Variants in ZNF34 observed in about 807,000 individuals in gnomAD.
ZNF34 encodes the protein zinc finger protein 34 (KOX 32).
A neutral mutation model predicts 14.4 loss-of-function variants in ZNF34; 8 were observed. The observed-to-expected ratio is 0.55, with a 90% CI of 0.33 to 1.00. The LOEUF (loss-of-function observed/expected upper bound fraction) is 1.00. Ranked by LOEUF, ZNF34 falls within the 50% of genes least tolerant of loss-of-function variation. The pLI is 0.03. For synonymous variants in ZNF34, 235 were observed against 247.9 expected (o/e 0.95, Z 0.49); for missense variants, 538 against 674.2 (o/e 0.80, Z 2.24).
At position 144,773,314 on chromosome 8, in the gene ZNF34, G is replaced by A. The variant is rs1418197949; in HGVS notation, c.1572C>T (p.Asn524=). 1 of 1,613,920 alleles carries A rather than the reference G, an allele frequency of 6.2e-7. No homozygotes were observed. The highest frequency in any genetic ancestry group is 1.3e-5 in the African/African-American group (1 of 74,948). ...ECGKAFRHSS[N]MCQHQRIHLR... ...GGTGAATCCGCTGATGCTGACACAT[G>A]TTGGAACTGTGCCGGAAGGCCTTCC... Residue 524 remains asparagine (N), a synonymous_variant, in exon 6 of 6, where the codon AAC becomes AAT. Transcript: ENST00000429371. The surrounding 1 kb of genome is among the most constrained non-coding windows in gnomAD (Gnocchi z 5.4).
intron 1 of ZNF34, among the ~76,000 whole-genome samples, chr8:144,785,982 T>G (rs1826207011): frequency 2.2e-5 from 1 of 45,064 alleles, no homozygotes; most frequent in Admixed American, 1.9e-4. Context: ...ATAGGTAGTT[T>G]TTTTTTTTTT....
At position 144,779,873 on chromosome 8, in the gene ZNF34, G is replaced by A. The variant is rs143232429; in HGVS notation, c.-55+355C>T. On this transcript the variant is annotated intron_variant, in intron 2 of 5. Coordinates refer to ENST00000429371, the MANE Select transcript of ZNF34 (RefSeq NM_001286769.2). The surrounding 1 kb of genome is among the most constrained non-coding windows in gnomAD (Gnocchi z 4.1). ...GGAAGAATGAAGACAAAATGTTAAG[G>A]GCTAAGGAAGAAAAAATTAAAAATG... Among the ~76,000 whole-genome samples the A allele has an allele frequency of 6.6e-6, 1 of 152,020 alleles. No individual in the cohort carries two copies. Among genetic ancestry groups the A allele is most frequent in the Non-Finnish European group, 1.5e-5 (1 of 67,974 alleles).
intron 1 of ZNF34, among the ~76,000 whole-genome samples, chr8:144,786,151 A>AT (rs1285150226): frequency 6.6e-6 from 1 of 151,288 alleles, no homozygotes; most frequent in East Asian, 2.0e-4. Flanking sequence ...CGCCCGGCTA[A>AT]TTTTTTTGTA....
chr8:144,783,448 A>T (rs183053397), intron 1 of ZNF34, among the ~76,000 whole-genome samples: 25 of 152,354 alleles, frequency 1.6e-4, no homozygotes, highest in Admixed American at 8.5e-4. Context: ...ATTCTTTGAG[A>T]ATGATAAAAA....
rs765588979 is a variant in ZNF34 at position 144,774,435 on chromosome 8, C to T, written c.451G>A (p.Gly151Arg). 6.8e-6 allele frequency: 11 copies of T among 1,613,874 alleles called. No individual in the cohort carries two copies. Among genetic ancestry groups the T allele is most frequent in the Middle Eastern group, 1.6e-4 (1 of 6,084 alleles). ...RGPRAVTLTN[G>R]ESSRESGGNL... The stretch of plus-strand genomic sequence containing the variant: ...CCCCCAGACTCCCTGCTGCTCTCCC[C>T]GTTGGTCAGTGTGACTGCCCTGGGG... The change falls in exon 6 of 6, where the codon GGG becomes AGG. Residue 151 changes from glycine (G) to arginine (R), a missense_variant. This residue lies in a region of ZNF34 where 431 missense variants were observed against 525.7 expected (regional missense o/e 0.82). Transcript: ENST00000429371.
In ZNF34 at chr8:144,772,317, G is replaced by T. The variant is rs1373070718; in HGVS notation, c.*949C>A. Among the ~76,000 whole-genome samples the T allele has an allele frequency of 6.6e-6, 1 of 152,188 alleles. No homozygotes were observed. Among genetic ancestry groups the T allele is most frequent in the Non-Finnish European group, 1.5e-5 (1 of 68,032 alleles). ...GGTTACCAGCAGTAGGGAGAAGGGG[G>T]AAATGAAGAGTTATTATTTAATAGG... On this transcript the variant is annotated 3_prime_UTR_variant, in exon 6 of 6. Coordinates refer to ENST00000429371, the MANE Select transcript of ZNF34 (RefSeq NM_001286769.2).
chr8:144,778,511 C>CTGG lies in ZNF34; in HGVS notation c.-43_-41dup. On this transcript the variant is annotated 5_prime_UTR_variant, in exon 3 of 6. Coordinates refer to ENST00000429371, the MANE Select transcript of ZNF34 (RefSeq NM_001286769.2). Reference sequence around the variant, plus strand: ...GCTTTCTGAGGGCAGTGAGCAGGAGCTGGTCACTGAGGAGCTGAGGGAAGA... The same window carrying CTGG: ...GCTTTCTGAGGGCAGTGAGCAGGAGCTGGTGGTCACTGAGGAGCTGAGGGAAGA... 6.3e-7 allele frequency: 1 copy of CTGG among 1,581,714 alleles called. No homozygotes were observed. Among genetic ancestry groups the CTGG allele is most frequent in the Non-Finnish European group, 8.6e-7 (1 of 1,164,580 alleles).
At chr8:144,781,587 G>A (rs1825893620) in intron 1 of ZNF34, among the ~76,000 whole-genome samples, 1 of 151,818 alleles carries the variant, frequency 6.6e-6, no homozygotes, top group Non-Finnish European at 1.5e-5. Context: ...TCAGAAACAA[G>A]TGGGTCAAGT....
chr8:144,773,347 G>T lies in ZNF34; in HGVS notation c.1539C>A (p.Ser513Arg). The T allele has an allele frequency of 6.2e-7, 1 of 1,614,074 alleles. No individual in the cohort carries two copies. Among genetic ancestry groups the T allele is most frequent in the South Asian group, 1.1e-5 (1 of 91,064 alleles). ...IHTGEKPYKC[S>R]ECGKAFRHSS... ...TGTGCCGGAAGGCCTTCCCACACTC[G>T]CTGCACTTGTAGGGCTTCTCCCCGG... The change falls in exon 6 of 6, where the codon AGC becomes AGA. Residue 513 changes from serine (S) to arginine (R), a missense_variant. Coordinates refer to ENST00000429371, the MANE Select transcript of ZNF34 (RefSeq NM_001286769.2). The surrounding 1 kb of genome is among the most constrained non-coding windows in gnomAD (Gnocchi z 5.4).
intron 1 of ZNF34, among the ~76,000 whole-genome samples, chr8:144,781,154 T>TAAATAAAA: frequency 6.7e-6 from 1 of 149,124 alleles, no homozygotes; most frequent in Non-Finnish European, 1.5e-5. Flanking sequence ...AATAAATAAA[T>TAAATAAAA]AAATAAATAA....
rs1159938321 is a variant in ZNF34 at position 144,772,698 on chromosome 8, CCTGG to C, written c.*564_*567del. ...GGGATTACAGGCACCCACCACCACA[CCTGG>C]CTAATTTTTGTATTTTTAGTAGAGA... On this transcript the variant is annotated 3_prime_UTR_variant, in exon 6 of 6. Coordinates refer to ENST00000429371, the MANE Select transcript of ZNF34 (RefSeq NM_001286769.2). Among the ~76,000 whole-genome samples the C allele has an allele frequency of 2.0e-5, 3 of 152,138 alleles. No homozygotes were observed. The highest frequency in any genetic ancestry group is 2.9e-5 in the Non-Finnish European group (2 of 68,032).
Position 144,773,276 on chromosome 8 carries a change from A to C in ZNF34, c.1610T>G (p.Phe537Cys). The change falls in exon 6 of 6, where the codon TTC becomes TGC. Residue 537 changes from phenylalanine to cysteine, a missense_variant. Transcript: ENST00000429371. The surrounding 1 kb of genome is among the most constrained non-coding windows in gnomAD (Gnocchi z 5.4). ...QHQRIHLRED[F>C]SM is the part of the protein sequence containing the mutation. ...GACACCGCGCCACTGTTACATGGAGAAGTCCTCCCGGAGGTGAATCCGCTG... is the reference window on the plus strand; with the variant it reads ...GACACCGCGCCACTGTTACATGGAGCAGTCCTCCCGGAGGTGAATCCGCTG... The C allele has an allele frequency of 2.5e-6, 4 of 1,605,548 alleles. No individual in the cohort carries two copies. The highest frequency in any genetic ancestry group is 3.4e-6 in the Non-Finnish European group (4 of 1,173,740).
At chr8:144,778,878 G>A (rs576940446) in intron 2 of ZNF34, among the ~76,000 whole-genome samples, 31 of 152,120 alleles carry the variant, frequency 2.0e-4, no homozygotes, top group African/African-American at 6.3e-4. Context: ...GACTACAGGC[G>A]CGCACCACCA....
rs1825626220 is a variant in ZNF34, at chr8:144,777,941, C to T, written c.160+97G>A. On this transcript the variant is annotated intron_variant, in intron 4 of 5. Transcript: ENST00000429371. The surrounding 1 kb of genome is among the most constrained non-coding windows in gnomAD (Gnocchi z 4.8). The stretch of plus-strand genomic sequence containing the variant: ...GCCTGCCTGGGATAAAGGTCATCAC[C>T]TATCTGTGCCCAGGGGGTGAGGCCC... 3 of 1,534,038 alleles carry T rather than the reference C, an allele frequency of 2.0e-6. No homozygotes were observed. The highest frequency in any genetic ancestry group is 1.4e-5 in the African/African-American group (1 of 72,956).
Position 144,774,301 on chromosome 8 carries a change from T to C in ZNF34, c.585A>G (p.Val195=), listed in dbSNP as rs200342127. The change falls in exon 6 of 6, where the codon GTA becomes GTG. Residue 195 remains valine (V), a synonymous_variant. Coordinates refer to ENST00000429371, the MANE Select transcript of ZNF34 (RefSeq NM_001286769.2). ...CTGTATTTGTTTTTTTTGACCTGTG[T>C]ACACGCTTATGGTTGTTGAGATATG... ...QRSYLNNHKR[V]HRSKKTNTVR... 3.7e-6 allele frequency: 6 copies of C among 1,613,040 alleles called. No individual in the cohort carries two copies. Among genetic ancestry groups the C allele is most frequent in the South Asian group, 2.2e-5 (2 of 90,976 alleles).
rs150615414 is a variant in ZNF34 at position 144,775,990 on chromosome 8, C to T, written c.281-1385G>A. On this transcript the variant is annotated intron_variant, in intron 5 of 5. Transcript: ENST00000429371. Reference sequence around the variant, plus strand: ...TGCGCACAGAAATGGAAACACATTCCGTGTCTGCACAGCAGAACACACTAT... The same window carrying T: ...TGCGCACAGAAATGGAAACACATTCTGTGTCTGCACAGCAGAACACACTAT... Among the ~76,000 whole-genome samples, 71 of 152,326 alleles carry T rather than the reference C, an allele frequency of 4.7e-4. 1 individual carries two copies. The highest frequency in any genetic ancestry group is 2.1e-3 in the Admixed American group (32 of 15,304).
At chr8:144,778,190 C>G (rs1209724903) in intron 3 of ZNF34, 26 bp from the exon 4 acceptor site, 2 of 1,601,028 alleles carry the variant, frequency 1.2e-6, no homozygotes, top group Admixed American at 3.4e-5. Flanking sequence ...CTACTGCAGC[C>G]CAGGTGTGGT....
At chr8:144,778,328 A>C (rs1825659697) in intron 3 of ZNF34, 111 bp downstream of exon 3, 1 of 1,361,588 alleles carries the variant, frequency 7.3e-7, no homozygotes. Context: ...TGGGGGTCTC[A>C]GGGCCACCCC....
chr8:144,777,976 C>T lies in ZNF34; in HGVS notation c.160+62G>A, dbSNP rs1825628619. 1.3e-6 allele frequency: 2 copies of T among 1,598,110 alleles called. No homozygotes were observed. The highest frequency in any genetic ancestry group is 1.1e-5 in the South Asian group (1 of 89,578). On this transcript the variant is annotated intron_variant, in intron 4 of 5. Transcript: ENST00000429371. This position sits in a 1 kb window ranked among gnomAD's most constrained non-coding sequence, Gnocchi z 4.8. The stretch of plus-strand genomic sequence containing the variant: ...CCAGGGGGTGAGGCCCCTAGCCCAG[C>T]CTCTGCTGAGCCCTTAGCCCCCAGG...
Sources: gnomAD v4.1 joint callset for allele counts (sites outside exome capture counted in the v4.1 genomes callset) on GRCh38, gnomAD v4.1.1 for gene constraint, gnomAD v4.1.1 regional missense constraint, Gnocchi (gnomAD v3.1) non-coding constraint, MANE v1.5 for transcripts, NCBI Gene and HGNC (gene_info 2026-07-23, HGNC 2026-07-21) for gene names.